The following PARD3B variants were observed in gnomAD, a reference collection of about 807,000 sequenced individuals.
The protein encoded by PARD3B is partitioning defective 3 homolog B.
A neutral mutation model predicts 130.2 loss-of-function variants in PARD3B; 103 were observed. The observed-to-expected ratio is 0.79, with a 90% CI of 0.67 to 0.93. The LOEUF (loss-of-function observed/expected upper bound fraction) is 0.93. PARD3B is among the 40% of genes least tolerant of loss of function. PARD3B has a pLI of 0.00. For missense variants in PARD3B, 1,609 were observed against 1,499.2 expected (o/e 1.07, Z -1.21); for synonymous variants, 583 against 553.2 (o/e 1.05, Z -0.76).
chr2:204,652,551 C>G (rs1415189270), intron 1 of PARD3B, among the ~76,000 whole-genome samples: 1 of 152,206 alleles, frequency 6.6e-6, no homozygotes, highest in Non-Finnish European at 1.5e-5. Context: ...AAGTTCCAGA[C>G]TTTCCCACAT....
At position 205,591,927 on chromosome 2, in the gene PARD3B, G is replaced by A. The variant is rs2054399150; in HGVS notation, c.3261-23529G>A. 1.3e-5 allele frequency among the ~76,000 whole-genome samples: 2 copies of A among 152,154 alleles called. No homozygotes were observed. Among genetic ancestry groups the A allele is most frequent in the Admixed American group, 6.5e-5 (1 of 15,278 alleles). On this transcript the variant is annotated intron_variant, in intron 22 of 22. Coordinates refer to ENST00000406610, the MANE Select transcript of PARD3B (RefSeq NM_001302769.2). The surrounding 1 kb of genome is among the most constrained non-coding windows in gnomAD (Gnocchi z 4.2). ...GCATCAGGATGGTCCAGCAGGGAAC[G>A]AAGACACCCAGGCATGGACATTAAG...
chr2:205,581,059 A>G (rs1037701842), intron 22 of PARD3B, among the ~76,000 whole-genome samples: 2 of 152,070 alleles, frequency 1.3e-5, no homozygotes, highest in African/African-American at 4.8e-5. Context: ...GCATTAACTA[A>G]TGCTTTCATT....
intron 20 of PARD3B, among the ~76,000 whole-genome samples, chr2:205,490,013 A>T (rs1263756822): frequency 6.6e-6 from 1 of 152,168 alleles, no homozygotes; most frequent in African/African-American, 2.4e-5. Flanking sequence ...TGCCTTCGTG[A>T]ATCAATGGAT....
chr2:205,023,715 T>C (rs972566527), intron 3 of PARD3B, among the ~76,000 whole-genome samples: 6 of 152,072 alleles, frequency 3.9e-5, no homozygotes, highest in African/African-American at 1.4e-4. Context: ...CTTCTGCAAC[T>C]TGAATTATAT....
intron 22 of PARD3B, among the ~76,000 whole-genome samples, chr2:205,576,405 C>T (rs931140009): frequency 2.7e-5 from 4 of 150,184 alleles, no homozygotes; most frequent in Non-Finnish European, 5.9e-5. Flanking sequence ...CCTATTTTAT[C>T]TTCTAGGAGT....
At chr2:205,336,242 C>T (rs943144821) in intron 18 of PARD3B, among the ~76,000 whole-genome samples, 1 of 152,152 alleles carries the variant, frequency 6.6e-6, no homozygotes, top group African/African-American at 2.4e-5. Context: ...TATGTGATAT[C>T]AGGATTGTGA....
intron 4 of PARD3B, among the ~76,000 whole-genome samples, chr2:205,052,451 A>ATATATATAT (rs1491236980): frequency 2.0e-4 from 3 of 14,734 alleles, no homozygotes; most frequent in African/African-American, 5.4e-4. Flanking sequence ...ATATATATAT[A>ATATATATAT]AAATTAAAAA....
chr2:204,547,670 G>A (rs139894526), intron 1 of PARD3B, among the ~76,000 whole-genome samples: 2,527 of 152,054 alleles, frequency 0.017, 26 homozygotes, highest in Admixed American at 0.027. Flanking sequence ...TCTCATTGAG[G>A]GATTGTCTTA....
At chr2:204,965,570 T>G (rs937995276) in intron 3 of PARD3B, among the ~76,000 whole-genome samples, 1 of 152,196 alleles carries the variant, frequency 6.6e-6, no homozygotes, top group African/African-American at 2.4e-5. Flanking sequence ...GGGAGTCAGA[T>G]GCTAAATGAT....
intron 2 of PARD3B, among the ~76,000 whole-genome samples, chr2:204,909,782 T>C (rs1331508306): frequency 6.6e-6 from 1 of 152,212 alleles, no homozygotes; most frequent in East Asian, 1.9e-4. Flanking sequence ...GGTGATTGAC[T>C]TTTGAAATCA....
At chr2:205,489,747 T>C (rs2049618470) in intron 20 of PARD3B, among the ~76,000 whole-genome samples, 1 of 152,062 alleles carries the variant, frequency 6.6e-6, no homozygotes, top group African/African-American at 2.4e-5. Context: ...TACTGGCTTA[T>C]TATGGTGAAC....
Position 205,460,520 on chromosome 2 carries a change from A to T in PARD3B, c.3044+19848A>T, listed in dbSNP as rs2048416495. On this transcript the variant is annotated intron_variant, in intron 20 of 22. Transcript: ENST00000406610. This position sits in a 1 kb window ranked among gnomAD's most constrained non-coding sequence, Gnocchi z 4.9. ...TGCAATATGATGTCTCTTGAGCAAC[A>T]TTTAACTTTCTATTGATTACTTCTC... Among the ~76,000 whole-genome samples the T allele has an allele frequency of 6.6e-6, 1 of 152,096 alleles. No homozygotes were observed. The highest frequency in any genetic ancestry group is 2.1e-4 in the South Asian group (1 of 4,828).
chr2:205,078,232 A>C lies in PARD3B; in HGVS notation c.505-26194A>C, dbSNP rs1701193048. Among the ~76,000 whole-genome samples, 1 of 152,210 alleles carries C rather than the reference A, an allele frequency of 6.6e-6. No homozygotes were observed. The highest frequency in any genetic ancestry group is 1.5e-5 in the Non-Finnish European group (1 of 68,024). Reference sequence around the variant, plus strand: ...CTTGAGAATTTTAGTTAGCAAGTTAAGGCATTCAAAACTCTGAATGGGTAT... The same window carrying C: ...CTTGAGAATTTTAGTTAGCAAGTTACGGCATTCAAAACTCTGAATGGGTAT... On this transcript the variant is annotated intron_variant, in intron 4 of 22. Transcript: ENST00000406610. The surrounding 1 kb of genome is among the most constrained non-coding windows in gnomAD (Gnocchi z 4.0).
rs2040396890 is a variant in PARD3B, at chr2:205,263,556, C to A, written c.2185+17734C>A. Among the ~76,000 whole-genome samples, 1 of 151,070 alleles carries A rather than the reference C, an allele frequency of 6.6e-6. No homozygotes were observed. The highest frequency in any genetic ancestry group is 2.4e-5 in the African/African-American group (1 of 41,076). Reference sequence around the variant, plus strand: ...AAATAACCTCCGTCTATACCTTACACCATATAAGAAGCTAATCTGACATGG... The same window carrying A: ...AAATAACCTCCGTCTATACCTTACAACATATAAGAAGCTAATCTGACATGG... On this transcript the variant is annotated intron_variant, in intron 16 of 22. Transcript: ENST00000406610. The surrounding 1 kb of genome is among the most constrained non-coding windows in gnomAD (Gnocchi z 4.0).
chr2:204,911,270 C>G (rs142899080), intron 2 of PARD3B, among the ~76,000 whole-genome samples: 5 of 152,200 alleles, frequency 3.3e-5, no homozygotes, highest in African/African-American at 1.2e-4. Flanking sequence ...CAGGTGATTC[C>G]AGATTAAGAA....
At chr2:205,536,840 T>C (rs147796444) in intron 21 of PARD3B, among the ~76,000 whole-genome samples, 1 of 152,144 alleles carries the variant, frequency 6.6e-6, no homozygotes, top group Non-Finnish European at 1.5e-5. Context: ...TAGCCTTCAG[T>C]AGGAAGAGTT....
chr2:205,501,383 G>A (rs1206377935), intron 21 of PARD3B, among the ~76,000 whole-genome samples: 1 of 152,158 alleles, frequency 6.6e-6, no homozygotes, highest in Non-Finnish European at 1.5e-5. Flanking sequence ...GACACCTAGA[G>A]TGATGGGAAA....
In PARD3B at chr2:205,460,753, T is replaced by C. The variant is rs2048422383; in HGVS notation, c.3044+20081T>C. ...TGAATGAGTTAATGCATGGCAAACC[T>C]GAAGCACAGTGACTGGTTCTTCCTA... On this transcript the variant is annotated intron_variant, in intron 20 of 22. Coordinates refer to ENST00000406610, the MANE Select transcript of PARD3B (RefSeq NM_001302769.2). This position sits in a 1 kb window ranked among gnomAD's most constrained non-coding sequence, Gnocchi z 4.9. Among the ~76,000 whole-genome samples the C allele has an allele frequency of 6.6e-6, 1 of 152,178 alleles. No homozygotes were observed. The highest frequency in any genetic ancestry group is 1.5e-5 in the Non-Finnish European group (1 of 68,030).
chr2:204,667,542 A>G (rs2036081367), intron 1 of PARD3B, among the ~76,000 whole-genome samples: 1 of 152,078 alleles, frequency 6.6e-6, no homozygotes, highest in Non-Finnish European at 1.5e-5. Flanking sequence ...ACATTCAATT[A>G]AGGCAAATAC....
Sources: allele counts gnomAD v4.1 joint callset (sites outside exome capture counted in the v4.1 genomes callset), GRCh38; gene constraint gnomAD v4.1.1; non-coding constraint Gnocchi (gnomAD v3.1); transcripts MANE v1.5; gene names NCBI Gene and HGNC (gene_info 2026-07-23, HGNC 2026-07-21).